Variants in TUBB8 observed in about 807,000 individuals in gnomAD.
TUBB8 encodes tubulin beta 8 class VIII.
TUBB8 carries 25 observed loss-of-function variants against 33.7 expected under a neutral mutation model. That is an observed-to-expected ratio of 0.74 (90% CI 0.54 to 1.04). The LOEUF (loss-of-function observed/expected upper bound fraction) is 1.04, where lower values mean the gene tolerates loss of function less well. TUBB8 is among the 50% of genes least tolerant of loss of function. The pLI is 0.00. For synonymous variants in TUBB8, 245 were observed against 240.1 expected (o/e 1.02, Z -0.19); for missense variants, 279 against 608.0 (o/e 0.46, Z 5.69).
At chr10:64,641 A>C (rs1333901655) in intron 1 of TUBB8, among the ~76,000 whole-genome samples, 7 of 152,224 alleles carry the variant, frequency 4.6e-5, no homozygotes, top group Non-Finnish European at 7.3e-5. Context: ...AGAGGTGTGC[A>C]TATTCATTCT....
chr10:74,144 A>C (rs1186599461), exon 1 of TUBB8: 5 of 143,574 alleles, frequency 3.5e-5, no homozygotes, highest in Admixed American at 6.7e-5. Flanking sequence ...TGGACCCCCC[A>C]GGACGCCGCC....
At chr10:56,139 T>C (rs540720215) in intron 1 of TUBB8, among the ~76,000 whole-genome samples, 1 of 152,362 alleles carries the variant, frequency 6.6e-6, no homozygotes, top group African/African-American at 2.4e-5. Context: ...TTTCCATTTT[T>C]TTGTCTTCTC....
At position 59,327 on chromosome 10, in the gene TUBB8, T is replaced by C. The variant is rs562249977; in HGVS notation, c.-845-9094A>G. Among the ~76,000 whole-genome samples the C allele has an allele frequency of 3.3e-5, 5 of 152,280 alleles. No homozygotes were observed. In the East Asian group the frequency reaches 9.7e-4, roughly 29 times the overall value. Reference sequence around the variant, plus strand: ...CCTCAGCCTTCCAAGTAGCTGGGATTACAGGTGCCCACCACTGCACCCGGC... The same window carrying C: ...CCTCAGCCTTCCAAGTAGCTGGGATCACAGGTGCCCACCACTGCACCCGGC... On this transcript the variant is annotated intron_variant, in intron 1 of 3. Coordinates refer to the TUBB8 transcript ENST00000564130.
intron 1 of TUBB8, among the ~76,000 whole-genome samples, chr10:73,417 A>G (rs61840126): frequency 0.11 from 11,628 of 108,964 alleles, no homozygotes; most frequent in African/African-American, 0.24. Context: ...GAGGTGGGTG[A>G]ATCACCTGAT....
chr10:61,087 A>C, intron 1 of TUBB8, among the ~76,000 whole-genome samples: 1 of 66,626 alleles, frequency 1.5e-5, no homozygotes, highest in Non-Finnish European at 2.7e-5. Flanking sequence ...GGGTGGGGGG[A>C]GGGGGGAGGG....
At chr10:71,005 A>C (rs1243114219) in intron 1 of TUBB8, among the ~76,000 whole-genome samples, 2 of 152,054 alleles carry the variant, frequency 1.3e-5, no homozygotes, top group Non-Finnish European at 2.9e-5. Flanking sequence ...ACCCTTAGAG[A>C]TCCCCATCAA....
intron 1 of TUBB8, among the ~76,000 whole-genome samples, chr10:62,859 T>C (rs1834621093): frequency 1.3e-5 from 2 of 152,216 alleles, no homozygotes; most frequent in Non-Finnish European, 2.9e-5. Flanking sequence ...TGCTGTCAGA[T>C]GTATTGGAGT....
At chr10:53,089 G>GTTT (rs1834488821), upstream of TUBB8, among the ~76,000 whole-genome samples, 2 of 152,152 alleles carry the variant, frequency 1.3e-5, no homozygotes, top group Non-Finnish European at 2.9e-5. Context: ...CAGTTGATAT[G>GTTT]CAAAAGAAAT....
intron 1 of TUBB8, among the ~76,000 whole-genome samples, chr10:68,454 C>A (rs370633285): frequency 0.048 from 5,034 of 105,612 alleles, no homozygotes; most frequent in African/African-American, 0.12. Flanking sequence ...GATATTGCAG[C>A]CGCAATACTG....
Position 49,087 on chromosome 10 carries a change from G to T in TUBB8, c.57+95C>A. 5 of 1,400,030 alleles carry T rather than the reference G, an allele frequency of 3.6e-6. No homozygotes were observed. The South Asian group carries it at 3.9e-5, about 11-fold the overall frequency. 86.7% of individuals were successfully genotyped at this position (1,400,030 alleles called of 1,614,324 possible). ...CACCGTCCCCGGCAGGGAGCCCAGG[G>T]GCCGCAATGCATGGGCACCGCCCCC... On this transcript the variant is annotated intron_variant, in intron 1 of 3. Transcript: ENST00000568584.
At chr10:63,111 T>C (rs1834624574) in intron 1 of TUBB8, among the ~76,000 whole-genome samples, 1 of 151,854 alleles carries the variant, frequency 6.6e-6, no homozygotes, top group Non-Finnish European at 1.5e-5. Context: ...TCTCACTCTG[T>C]AGCCCAGGCT....
rs562343372 is a variant in TUBB8 at position 48,025 on chromosome 10, C to G, written c.367G>C (p.Glu123Gln). The G allele has an allele frequency of 6.2e-7, 1 of 1,613,930 alleles. No individual in the cohort carries two copies. Among genetic ancestry groups the G allele is most frequent in the South Asian group, 1.1e-5 (1 of 91,078 alleles). The change falls in exon 4 of 4, where the codon GAG becomes CAG. Residue 123 changes from glutamate (E) to glutamine (Q), a missense_variant. This residue lies in a region of TUBB8 where 96 missense variants were observed against 233.7 expected (regional missense o/e 0.41). Transcript: ENST00000568584. ...TGCAGGCAGTCACAGCTCTCAGCCT[C>G]CTTTCTGACAACGTCCATCACTGAC... ...MESVMDVVRK[E>Q]AESCDCLQGF...
Position 47,381 on chromosome 10 carries a change from G to A in TUBB8, c.1011C>T (p.Asn337=), listed in dbSNP as rs367830340. 5 of 1,612,680 alleles carry A rather than the reference G, an allele frequency of 3.1e-6. No individual in the cohort carries two copies. The African/African-American group carries it at 6.7e-5, about 22-fold the overall frequency. Residue 337 remains asparagine, a synonymous_variant, in exon 4 of 4, where the codon AAC becomes AAT. Coordinates refer to ENST00000568584, the MANE Select transcript of TUBB8 (RefSeq NM_177987.3). ...DEQMFNIQDK[N]SSYFADWLPN... ...GGAGCCAGTCAGCAAAGTAACTGCT[G>A]TTCTTATCTTGAATGTTGAACATTT...
At chr10:74,866 ATTTTTTTTTTTTTTT>A (rs573408150), upstream of TUBB8, among the ~76,000 whole-genome samples, 1 of 115,820 alleles carries the variant, frequency 8.6e-6, no homozygotes, top group African/African-American at 3.2e-5. Flanking sequence ...GTCTGTGCCA[ATTTTTTTTTTTTTTT>A]TTTTTTTTTT....
upstream of TUBB8, among the ~76,000 whole-genome samples, chr10:50,632 T>C (rs1343244517): frequency 3.9e-5 from 6 of 152,202 alleles, no homozygotes; most frequent in African/African-American, 1.4e-4. Context: ...GGAAAAGCCC[T>C]TGGGGGTCAG....
At position 47,462 on chromosome 10, in the gene TUBB8, G is replaced by T; in HGVS notation, c.930C>A (p.Tyr310Ter). The change falls in exon 4 of 4, where the codon TAC (tyrosine) becomes TAA (stop). Residue 310 changes from tyrosine to a stop codon, truncating the protein, a stop_gained. Coordinates refer to ENST00000568584, the MANE Select transcript of TUBB8 (RefSeq NM_177987.3). LOFTEE classifies it high-confidence loss of function. ...CCCTGAAAATGGCAGCCGCCGTTAGGTAGCGGCCGTGACGGGGGTCACAGG... is the reference window on the plus strand; with the variant it reads ...CCCTGAAAATGGCAGCCGCCGTTAGTTAGCGGCCGTGACGGGGGTCACAGG... ...MAACDPRHGR[Y>*]LTAAAIFRGR... 6.2e-7 allele frequency: 1 copy of T among 1,612,338 alleles called. No individual in the cohort carries two copies. The highest frequency in any genetic ancestry group is 2.2e-5 in the East Asian group (1 of 44,886).
chr10:48,365 G>A (rs1307896852), intron 3 of TUBB8: 59 of 629,584 alleles, frequency 9.4e-5, no homozygotes, highest in Admixed American at 8.0e-4. Flanking sequence ...TCTCAGGAAA[G>A]GCAGTAGCCA....
At chr10:74,640 A>G (rs543398815), upstream of TUBB8, among the ~76,000 whole-genome samples, 271 of 148,184 alleles carry the variant, frequency 1.8e-3, no homozygotes, top group Middle Eastern at 0.014. Context: ...AAAAAAAAAA[A>G]AAAGAAAGAA....
chr10:70,837 C>T (rs2379060), intron 1 of TUBB8, among the ~76,000 whole-genome samples: 14 of 151,838 alleles, frequency 9.2e-5, no homozygotes, highest in African/African-American at 3.1e-4. Context: ...AGCAGAACCC[C>T]GTCTCAAAAA....
Sources: gnomAD v4.1 joint callset for allele counts (sites outside exome capture counted in the v4.1 genomes callset) on GRCh38, gnomAD v4.1.1 for gene constraint, gnomAD v4.1.1 regional missense constraint, MANE v1.5 for transcripts, NCBI Gene and HGNC (gene_info 2026-07-23, HGNC 2026-07-21) for gene names.